Variants in CNTN3 observed in about 807,000 individuals in gnomAD.
CNTN3 encodes contactin 3, also known as contactin-3.
In CNTN3, 60 loss-of-function variants were observed where a neutral mutation model predicts 119.1. That is an observed-to-expected ratio of 0.50 (90% CI 0.41 to 0.62). The LOEUF (loss-of-function observed/expected upper bound fraction) is 0.62. CNTN3 is among the 20% of genes least tolerant of loss of function. CNTN3 has a pLI of 0.00. For synonymous variants in CNTN3, 450 were observed against 438.7 expected, an observed-to-expected ratio of 1.03 and a Z score of -0.32; for missense variants, 1,101 against 1,242.4, an observed-to-expected ratio of 0.89 and a Z score of 1.71.
intron 2 of CNTN3, among the ~76,000 whole-genome samples, chr3:74,505,762 T>C (rs1469705833): frequency 6.6e-6 from 1 of 152,118 alleles, no homozygotes; most frequent in Non-Finnish European, 1.5e-5. Context: ...TAGGAATAAC[T>C]AATGTGTCTG....
intron 4 of CNTN3, among the ~76,000 whole-genome samples, chr3:74,442,682 T>A (rs9846979): frequency 6.6e-6 from 1 of 151,916 alleles, no homozygotes; most frequent in African/African-American, 2.4e-5. Context: ...CCCCAGTAGC[T>A]CCATGGGTGG....
intron 13 of CNTN3, 70 bp from the exon 14 acceptor site, chr3:74,302,877 G>T: frequency 1.0e-6 from 1 of 967,140 alleles, no homozygotes; most frequent in Non-Finnish European, 1.6e-6. Flanking sequence ...GAAGTCTATG[G>T]CCAAAAACAA....
At chr3:74,352,721 A>G (rs1197075867) in intron 11 of CNTN3, among the ~76,000 whole-genome samples, 1 of 152,190 alleles carries the variant, frequency 6.6e-6, no homozygotes, top group African/African-American at 2.4e-5. Context: ...AGGCAGGGAC[A>G]TCAATCAATC....
At chr3:74,383,915 A>G (rs530472877) in intron 5 of CNTN3, among the ~76,000 whole-genome samples, 1 of 152,356 alleles carries the variant, frequency 6.6e-6, no homozygotes, top group African/African-American at 2.4e-5. Flanking sequence ...AGATAGAGTT[A>G]CAGAAATAAA....
chr3:74,593,907 A>C (rs549931469), intron 1 of CNTN3, among the ~76,000 whole-genome samples: 62 of 152,092 alleles, frequency 4.1e-4, no homozygotes, highest in African/African-American at 1.4e-3. Context: ...CCACCCTAGA[A>C]CAGAGTAACT....
chr3:74,380,272 A>C (rs567655616), intron 5 of CNTN3, among the ~76,000 whole-genome samples: 24 of 152,374 alleles, frequency 1.6e-4, no homozygotes, highest in African/African-American at 5.5e-4. Context: ...TGTGTGCTGA[A>C]AGAAAGTGCT....
chr3:74,514,803 T>C (rs1703424343), intron 2 of CNTN3, among the ~76,000 whole-genome samples: 1 of 152,120 alleles, frequency 6.6e-6, no homozygotes, highest in African/African-American at 2.4e-5. Flanking sequence ...TGGTTGATAT[T>C]CAAAGGAAGC....
At chr3:74,391,256 T>C (rs966352605) in intron 5 of CNTN3, among the ~76,000 whole-genome samples, 2 of 152,160 alleles carry the variant, frequency 1.3e-5, no homozygotes, top group Non-Finnish European at 2.9e-5. Flanking sequence ...CATAAAGACA[T>C]AGCACTGCTA....
At position 74,336,675 on chromosome 3, in the gene CNTN3, T is replaced by C. The variant is rs1703403286; in HGVS notation, c.1365-17A>G. Reference sequence around the variant, plus strand: ...AAAGAAATTCTAAAGCAAAGACAAATAAGATAAATAAATATATAATAGCCA... The same window carrying C: ...AAAGAAATTCTAAAGCAAAGACAAACAAGATAAATAAATATATAATAGCCA... On this transcript the variant is annotated splice_polypyrimidine_tract_variant and intron_variant, in intron 11 of 22. Transcript: ENST00000263665. 6.3e-7 allele frequency: 1 copy of C among 1,574,928 alleles called. No individual in the cohort carries two copies. Among genetic ancestry groups the C allele is most frequent in the Non-Finnish European group, 8.7e-7 (1 of 1,155,696 alleles).
intron 4 of CNTN3, among the ~76,000 whole-genome samples, chr3:74,434,499 C>T (rs1701835096): frequency 6.6e-6 from 1 of 152,148 alleles, no homozygotes; most frequent in African/African-American, 2.4e-5. Flanking sequence ...CTACTGCCCA[C>T]CCCCAGAGGT....
intron 5 of CNTN3, among the ~76,000 whole-genome samples, chr3:74,378,307 T>C (rs1349213467): frequency 2.0e-5 from 3 of 152,236 alleles, no homozygotes; most frequent in Non-Finnish European, 1.5e-5. Context: ...GTCCGCACTG[T>C]AAACCGAAAG....
rs78798171 is a variant in CNTN3 at position 74,498,024 on chromosome 3, C to T, written c.182+1635G>A. ...AATCTATTCATTTAGAAATACATTC[C>T]TATATGACTAAATCTTGTATCTTGA... On this transcript the variant is annotated intron_variant, in intron 3 of 22. Coordinates refer to ENST00000263665, the MANE Select transcript of CNTN3 (RefSeq NM_020872.3). Among the ~76,000 whole-genome samples, 1,056 of 151,894 alleles carry T rather than the reference C, an allele frequency of 7.0e-3. 13 individuals are homozygous for T. The highest frequency in any genetic ancestry group is 0.024 in the African/African-American group (1,006 of 41,498).
intron 4 of CNTN3, among the ~76,000 whole-genome samples, chr3:74,437,446 C>T (rs755400421): frequency 7.2e-5 from 11 of 151,792 alleles, no homozygotes; most frequent in Non-Finnish European, 1.3e-4. Flanking sequence ...TGGGTGACAG[C>T]GCGAGACTCT....
At chr3:74,461,932 G>A (rs1702375163) in intron 4 of CNTN3, among the ~76,000 whole-genome samples, 1 of 152,084 alleles carries the variant, frequency 6.6e-6, no homozygotes, top group Non-Finnish European at 1.5e-5. Context: ...GTTTGGATCT[G>A]TGTCCCCACC....
chr3:74,304,548 AAG>A (rs1489207318), intron 13 of CNTN3, among the ~76,000 whole-genome samples: 3 of 152,132 alleles, frequency 2.0e-5, no homozygotes, highest in Non-Finnish European at 4.4e-5. Flanking sequence ...ATCTGGGTAA[AAG>A]AGAACTGTGT....
chr3:74,531,810 GT>G (rs1430549671), intron 1 of CNTN3, among the ~76,000 whole-genome samples: 1 of 151,912 alleles, frequency 6.6e-6, no homozygotes, highest in Non-Finnish European at 1.5e-5. Context: ...ACAGATAGAT[GT>G]CCTGGGGCTG....
At chr3:74,487,682 T>A (rs1157582953) in intron 3 of CNTN3, among the ~76,000 whole-genome samples, 1 of 152,160 alleles carries the variant, frequency 6.6e-6, no homozygotes, top group African/African-American at 2.4e-5. Flanking sequence ...CATCTAAAAA[T>A]TGTTGCTTTA....
At chr3:74,613,558 T>C (rs1705118225) in intron 1 of CNTN3, among the ~76,000 whole-genome samples, 2 of 152,152 alleles carry the variant, frequency 1.3e-5, no homozygotes, top group Non-Finnish European at 2.9e-5. Flanking sequence ...ACACATCTCC[T>C]TGTTGTAAAT....
intron 4 of CNTN3, among the ~76,000 whole-genome samples, chr3:74,426,811 C>T (rs1388787609): frequency 6.6e-6 from 1 of 152,150 alleles, no homozygotes; most frequent in Non-Finnish European, 1.5e-5. Context: ...CCAAATGTTT[C>T]CCAATGGCTA....
Sources: gnomAD v4.1 joint callset for allele counts (sites outside exome capture counted in the v4.1 genomes callset) on GRCh38, gnomAD v4.1.1 for gene constraint, MANE v1.5 for transcripts, NCBI Gene and HGNC (gene_info 2026-07-23, HGNC 2026-07-21) for gene names.